PUM1: variants seen among roughly 807,000 people sequenced by gnomAD.
PUM1 encodes the protein pumilio RNA binding family member 1.
PUM1 carries 13 observed loss-of-function variants against 131.8 expected under a neutral mutation model. The observed-to-expected ratio is 0.10, with a 90% CI of 0.06 to 0.16. The LOEUF is 0.16. PUM1 is among the 10% of genes least tolerant of loss of function. The probability of loss-of-function intolerance (pLI) is 1.00; values close to 1 mark genes in which losing one functional copy is unlikely to be tolerated. For missense variants in PUM1, 961 were observed against 1,512.4 expected (o/e 0.64, Z 6.05); for synonymous variants, 509 against 556.5 (o/e 0.91, Z 1.20).
chr1:31,062,323 T>TA (rs1350655812), intron 1 of PUM1, among the ~76,000 whole-genome samples: 1 of 152,052 alleles, frequency 6.6e-6, no homozygotes, highest in Non-Finnish European at 1.5e-5. Flanking sequence ...TGGGTGCTTT[T>TA]AAAAAATGCT....
chr1:30,934,579 CCA>C (rs1366078215), intron 21 of PUM1, among the ~76,000 whole-genome samples: 3 of 152,208 alleles, frequency 2.0e-5, no homozygotes, highest in Non-Finnish European at 4.4e-5. Flanking sequence ...GTCCTTGGTT[CCA>C]GTTTCACCTC....
rs1420692942 is a variant in PUM1 at position 30,941,979 on chromosome 1, CT to C, written c.3120+18del. ...AAGCCCACAGGTGTTCGCAGTTCCTCTACTGGCAACTCCACTACCTGTACAA... is the reference window on the plus strand; with the variant it reads ...AAGCCCACAGGTGTTCGCAGTTCCTCACTGGCAACTCCACTACCTGTACAA... On this transcript the variant is annotated intron_variant, in intron 19 of 21. Coordinates refer to ENST00000426105, the MANE Select transcript of PUM1 (RefSeq NM_001020658.2). The C allele has an allele frequency of 6.5e-7, 1 of 1,547,846 alleles. No homozygotes were observed. The highest frequency in any genetic ancestry group is 1.7e-5 in the Admixed American group (1 of 58,064).
intron 3 of PUM1, among the ~76,000 whole-genome samples, chr1:31,020,305 G>A (rs542978996): frequency 1.4e-4 from 21 of 152,180 alleles, no homozygotes; most frequent in South Asian, 4.2e-4. Flanking sequence ...ACTGTTGCTG[G>A]GCACCTAAGT....
chr1:30,947,578 CT>C (rs1639733135), intron 17 of PUM1, among the ~76,000 whole-genome samples: 1 of 152,186 alleles, frequency 6.6e-6, no homozygotes, highest in Non-Finnish European at 1.5e-5. Context: ...TCTTAGGTAT[CT>C]TGAAATTAAA....
intron 19 of PUM1, among the ~76,000 whole-genome samples, chr1:30,941,547 T>A (rs748308203): frequency 3.3e-5 from 5 of 152,166 alleles, no homozygotes; most frequent in Non-Finnish European, 7.4e-5. Context: ...CTCAAACACA[T>A]ATACAAATGG....
chr1:31,002,545 G>A (rs931829705), intron 5 of PUM1, among the ~76,000 whole-genome samples: 2 of 152,232 alleles, frequency 1.3e-5, no homozygotes, highest in East Asian at 1.9e-4. Flanking sequence ...AGGGTCCTTA[G>A]ATGGCAATCT....
At chr1:31,054,409 A>G (rs1307093773) in intron 2 of PUM1, among the ~76,000 whole-genome samples, 2 of 152,044 alleles carry the variant, frequency 1.3e-5, no homozygotes, top group Non-Finnish European at 2.9e-5. Flanking sequence ...TGGCATGACA[A>G]AGAGTTCCCC....
At position 30,992,378 on chromosome 1, in the gene PUM1, C is replaced by T; in HGVS notation, c.1158+12G>A. On this transcript the variant is annotated intron_variant, in intron 7 of 21. Transcript: ENST00000426105. ...GGGAGAGTAGAGAGGGTGACAGAGA[C>T]ACACACAGTACCTGTTGTTGAGAAT... 6.2e-7 allele frequency: 1 copy of T among 1,611,032 alleles called. No individual in the cohort carries two copies. Among genetic ancestry groups the T allele is most frequent in the South Asian group, 1.1e-5 (1 of 90,684 alleles).
At chr1:31,045,707 AT>A (rs1459077964) in intron 2 of PUM1, among the ~76,000 whole-genome samples, 2 of 152,230 alleles carry the variant, frequency 1.3e-5, no homozygotes, top group Non-Finnish European at 2.9e-5. Flanking sequence ...TACTTGGACC[AT>A]AAAAGAGCAC....
chr1:30,998,765 A>C lies in PUM1; in HGVS notation c.721-3545T>G, dbSNP rs79099204. 5.8e-3 allele frequency among the ~76,000 whole-genome samples: 884 copies of C among 152,342 alleles called. 12 individuals carry two copies. Among genetic ancestry groups the C allele is most frequent in the African/African-American group, 0.02 (850 of 41,586 alleles). ...TACCAAAAATTTACAGTGAATGCTC[A>C]GAACAAAATATGCACTGGCAATGCA... On this transcript the variant is annotated intron_variant, in intron 5 of 21. Transcript: ENST00000426105.
intron 2 of PUM1, chr1:31,036,656 C>G (rs1040430691): frequency 6.6e-6 from 1 of 152,230 alleles, no homozygotes; most frequent in South Asian, 2.1e-4. Context: ...TCTGAGGCCT[C>G]GAGCTCTCCA....
chr1:31,046,806 C>T (rs1399318313), intron 2 of PUM1, among the ~76,000 whole-genome samples: 1 of 151,908 alleles, frequency 6.6e-6, no homozygotes, highest in Non-Finnish European at 1.5e-5. Flanking sequence ...CCATTCAGGG[C>T]CAAGTTCTTT....
chr1:31,053,667 T>A (rs762537760), intron 2 of PUM1, among the ~76,000 whole-genome samples: 19 of 151,798 alleles, frequency 1.3e-4, no homozygotes, highest in Non-Finnish European at 2.5e-4. Flanking sequence ...AGAGACATGA[T>A]CTCACCATGT....
chr1:30,967,052 G>T (rs1201952522), intron 12 of PUM1, 115 bp downstream of exon 12: 3 of 1,281,154 alleles, frequency 2.3e-6, no homozygotes, highest in African/African-American at 3.0e-5. Context: ...AACATTACAG[G>T]GTAGAACCGA....
chr1:30,949,019 TA>T (rs1285048739), intron 17 of PUM1: 25 of 450,344 alleles, frequency 5.6e-5, no homozygotes, highest in Non-Finnish European at 1.1e-4. Context: ...CTTATCACTT[TA>T]AAAACTTTGG....
In PUM1 at chr1:31,049,823, CTTTTTTTT is replaced by C. The variant is rs773718125; in HGVS notation, c.363+9373_363+9380del. ...AGAGAAGAGCATCTGACTGAACTTCCTTTTTTTTTTTTTTTTTTTTTTTTGAGACAGAG... is the reference window on the plus strand; with the variant it reads ...AGAGAAGAGCATCTGACTGAACTTCCTTTTTTTTTTTTTTTTGAGACAGAG... On this transcript the variant is annotated intron_variant, in intron 2 of 21. Coordinates refer to ENST00000426105, the MANE Select transcript of PUM1 (RefSeq NM_001020658.2). Among the ~76,000 whole-genome samples the C allele has an allele frequency of 7.5e-5, 6 of 80,006 alleles. No individual in the cohort carries two copies. In the South Asian group the frequency reaches 1.6e-3, roughly 22 times the overall value. 52.5% of individuals were successfully genotyped at this position (80,006 alleles called of 152,430 possible).
chr1:30,991,936 T>C (rs1483298849), intron 7 of PUM1, among the ~76,000 whole-genome samples: 8 of 152,248 alleles, frequency 5.3e-5, no homozygotes, highest in African/African-American at 1.2e-4. Flanking sequence ...TCCTTGTCTA[T>C]GCTATCTGGA....
rs111672532 is a variant in PUM1 at position 30,989,504 on chromosome 1, G to A, written c.1158+2886C>T. ...GGAGAATCGCTTGAACCCAGGAGGC[G>A]GAAGTTGCAGTGAGCCAAGATCGTA... On this transcript the variant is annotated intron_variant, in intron 7 of 21. Coordinates refer to ENST00000426105, the MANE Select transcript of PUM1 (RefSeq NM_001020658.2). 4.8e-3 allele frequency among the ~76,000 whole-genome samples: 677 copies of A among 141,920 alleles called. 2 individuals carry two copies. Among genetic ancestry groups the A allele is most frequent in the Non-Finnish European group, 6.6e-3 (442 of 66,602 alleles). 93.1% of individuals were successfully genotyped at this position (141,920 alleles called of 152,430 possible).
chr1:30,992,680 G>A lies in PUM1; in HGVS notation c.888-20C>T. The stretch of plus-strand genomic sequence containing the variant: ...GTACGGCTAAACAGAGAAAGTAAAG[G>A]GCATTAAACCTTATTTTCAGTGGGG... On this transcript the variant is annotated intron_variant, in intron 6 of 21. Transcript: ENST00000426105. 1 of 1,602,908 alleles carries A rather than the reference G, an allele frequency of 6.2e-7. No individual in the cohort carries two copies. The highest frequency in any genetic ancestry group is 1.1e-5 in the South Asian group (1 of 89,772).
Sources: gnomAD v4.1 joint callset for allele counts (sites outside exome capture counted in the v4.1 genomes callset) on GRCh38, gnomAD v4.1.1 for gene constraint, MANE v1.5 for transcripts, NCBI Gene and HGNC (gene_info 2026-07-23, HGNC 2026-07-21) for gene names.